FBLN7: variants seen among roughly 807,000 people sequenced by gnomAD.
FBLN7 encodes the protein fibulin-7.
In FBLN7, 31 loss-of-function variants were observed where a neutral mutation model predicts 44.0. The ratio of observed to expected loss-of-function variants is 0.70; its 90% CI spans 0.53 to 0.95. The LOEUF is 0.95. Ranked by LOEUF, FBLN7 falls within the 40% of genes least tolerant of loss-of-function variation. The pLI is 0.00. For synonymous variants in FBLN7, 262 were observed against 253.4 expected (o/e 1.03, Z -0.32); for missense variants, 573 against 618.5 (o/e 0.93, Z 0.78).
intron 3 of FBLN7, among the ~76,000 whole-genome samples, chr2:112,170,294 A>AG (rs1682391288): frequency 6.6e-6 from 1 of 151,914 alleles, no homozygotes; most frequent in Admixed American, 6.6e-5. Context: ...GAAAAAGAAA[A>AG]GGTGAGTGGA....
At chr2:112,162,877 A>G (rs1413235756) in intron 2 of FBLN7, among the ~76,000 whole-genome samples, 13 of 152,004 alleles carry the variant, frequency 8.6e-5, no homozygotes, top group Admixed American at 2.0e-4. Flanking sequence ...TTTTCCCCCA[A>G]TGCATTTTAA....
At chr2:112,240,957 G>GTA in the FBLN7 span, among the ~76,000 whole-genome samples, 1 of 116,024 alleles carries the variant, frequency 8.6e-6, no homozygotes, top group Non-Finnish European at 1.9e-5. Context: ...GTAACAGTGT[G>GTA]TGTGTGTGTG....
the FBLN7 span, among the ~76,000 whole-genome samples, chr2:112,210,795 T>C: frequency 2.8e-4 from 42 of 151,618 alleles, no homozygotes; most frequent in African/African-American, 9.7e-4. Flanking sequence ...ACAAGACACA[T>C]ATTCCCTAGT....
chr2:112,180,184 C>T (rs1257979714), intron 4 of FBLN7, among the ~76,000 whole-genome samples: 1 of 152,054 alleles, frequency 6.6e-6, no homozygotes, highest in African/African-American at 2.4e-5. Context: ...CGTACATGAA[C>T]AGAAACTTCT....
At chr2:112,190,635 C>T (rs1683455711), downstream of FBLN7, 1 of 152,100 alleles carries the variant, frequency 6.6e-6, no homozygotes. Context: ...TGTTTTTGCT[C>T]AAATTGTTCT....
chr2:112,171,615 T>C (rs1682463439), intron 3 of FBLN7, among the ~76,000 whole-genome samples: 1 of 152,136 alleles, frequency 6.6e-6, no homozygotes, highest in Admixed American at 6.5e-5. Context: ...ATTAAATTAA[T>C]GAAAAAAAGA....
At chr2:112,241,603 C>T in the FBLN7 span, among the ~76,000 whole-genome samples, 24 of 152,268 alleles carry the variant, frequency 1.6e-4, no homozygotes, top group African/African-American at 5.3e-4. Context: ...TATGTTATTC[C>T]GTTTTGAACA....
At chr2:112,149,669 A>G (rs918173764) in intron 1 of FBLN7, among the ~76,000 whole-genome samples, 1 of 152,094 alleles carries the variant, frequency 6.6e-6, no homozygotes, top group African/African-American at 2.4e-5. Flanking sequence ...TATCCTTTCA[A>G]ACTCCCTGCC....
chr2:112,160,732 GCACACGCA>G (rs1558879878), intron 2 of FBLN7, among the ~76,000 whole-genome samples: 73 of 83,616 alleles, frequency 8.7e-4, no homozygotes, highest in African/African-American at 2.2e-3. Context: ...GCACACGCAC[GCACACGCA>G]CACACGCGCA....
chr2:112,231,299 A>G, the FBLN7 span, among the ~76,000 whole-genome samples: 1 of 152,162 alleles, frequency 6.6e-6, no homozygotes, highest in African/African-American at 2.4e-5. Flanking sequence ...GCTTCAAAAG[A>G]ATCTTTTAAA....
the FBLN7 span, among the ~76,000 whole-genome samples, chr2:112,210,264 T>A: frequency 6.6e-6 from 1 of 152,046 alleles, no homozygotes; most frequent in African/African-American, 2.4e-5. Context: ...AGTAGGTAGC[T>A]GCAGTGGCGA....
At chr2:112,181,984 G>T in intron 5 of FBLN7, 108 bp downstream of exon 5, 1 of 1,389,878 alleles carries the variant, frequency 7.2e-7, no homozygotes, top group Non-Finnish European at 9.4e-7. Context: ...CTTCCTGCGC[G>T]CGGTCTCAGA....
intron 3 of FBLN7, among the ~76,000 whole-genome samples, chr2:112,170,360 G>A (rs765829236): frequency 2.8e-4 from 42 of 151,432 alleles, no homozygotes; most frequent in Non-Finnish European, 5.0e-4. Flanking sequence ...AACCTCATCT[G>A]TACTAAAAAT....
intron 4 of FBLN7, chr2:112,177,474 G>A (rs4849049): frequency 6.6e-6 from 1 of 152,112 alleles, no homozygotes; most frequent in African/African-American, 2.4e-5. Context: ...TTCCCTGGAG[G>A]AGCATCCCTC....
the FBLN7 span, among the ~76,000 whole-genome samples, chr2:112,197,731 T>G: frequency 6.6e-6 from 1 of 152,312 alleles, no homozygotes; most frequent in South Asian, 2.1e-4. Flanking sequence ...CTAATGATCT[T>G]GGAGCAAGAT....
chr2:112,155,677 C>A (rs952830372), intron 1 of FBLN7, among the ~76,000 whole-genome samples: 1 of 152,194 alleles, frequency 6.6e-6, no homozygotes, highest in African/African-American at 2.4e-5. Context: ...CTGGGCACAT[C>A]TCACCCTCAA....
chr2:112,181,404 T>C (rs950393482), intron 4 of FBLN7, among the ~76,000 whole-genome samples: 4 of 152,078 alleles, frequency 2.6e-5, no homozygotes, highest in East Asian at 1.9e-4. Flanking sequence ...TTTTAAACTC[T>C]AGTGATCACC....
intron 2 of FBLN7, among the ~76,000 whole-genome samples, chr2:112,160,720 G>GCACACGCAGA (rs1558879794): frequency 1.5e-5 from 2 of 130,964 alleles, no homozygotes; most frequent in East Asian, 2.3e-4. Flanking sequence ...ACACAAGCAC[G>GCACACGCAGA]CGCACACGCA....
chr2:112,193,806 G>C, the FBLN7 span, among the ~76,000 whole-genome samples: 1 of 152,122 alleles, frequency 6.6e-6, no homozygotes, highest in Non-Finnish European at 1.5e-5. Flanking sequence ...GCTTTGGATG[G>C]CCATATTGGG....
Sources: allele counts gnomAD v4.1 joint callset (sites outside exome capture counted in the v4.1 genomes callset), GRCh38; gene constraint gnomAD v4.1.1; transcripts MANE v1.5; gene names NCBI Gene and HGNC (gene_info 2026-07-23, HGNC 2026-07-21).